Variants in RPTOR observed in about 807,000 individuals in gnomAD.
The protein encoded by RPTOR is regulatory associated protein of MTOR complex 1.
A neutral mutation model predicts 169.9 loss-of-function variants in RPTOR; 21 were observed. That is an observed-to-expected ratio of 0.12 (90% CI 0.09 to 0.18). RPTOR has a LOEUF of 0.18. Ranked by LOEUF, RPTOR falls within the 10% of genes least tolerant of loss-of-function variation. RPTOR has a pLI of 1.00. For missense variants in RPTOR, 1,133 were observed against 1,855.9 expected, an observed-to-expected ratio of 0.61 and a Z score of 7.16; for synonymous variants, 732 against 753.2, an observed-to-expected ratio of 0.97 and a Z score of 0.46.
At chr17:80,546,209 T>C (rs2084272558) in intron 1 of RPTOR, among the ~76,000 whole-genome samples, 1 of 152,238 alleles carries the variant, frequency 6.6e-6, no homozygotes, top group African/African-American at 2.4e-5. Context: ...AAGTCTGATA[T>C]ACTATGCTAG....
intron 24 of RPTOR, among the ~76,000 whole-genome samples, chr17:80,935,872 C>A (rs1198559046): frequency 2.0e-5 from 3 of 152,096 alleles, no homozygotes; most frequent in Non-Finnish European, 2.9e-5. Context: ...ATAAGTTGGG[C>A]TTCATCAAAA....
chr17:80,581,347 C>G (rs923848292), intron 1 of RPTOR, among the ~76,000 whole-genome samples: 5 of 152,212 alleles, frequency 3.3e-5, no homozygotes, highest in African/African-American at 9.7e-5. Context: ...TGCAGGTAAA[C>G]ATTTAGCCAT....
intron 6 of RPTOR, among the ~76,000 whole-genome samples, chr17:80,767,963 A>T (rs2066804274): frequency 6.6e-6 from 1 of 152,084 alleles, no homozygotes; most frequent in African/African-American, 2.4e-5. Context: ...TCCCTGTTTC[A>T]AGTGATTCTC....
rs2065766895 is a variant in RPTOR at position 80,665,479 on chromosome 17, TTTCCTTTCCTTTCCTTTCCTTTCCA to T, written c.348+21671_348+21695del. ...TTTCCTTTCCTTTCCTTTCCTTTCC[TTTCCTTTCCTTTCCTTTCCTTTCCA>T]TGTCCTTTCCTTTCCTTTCCATGTC... On this transcript the variant is annotated intron_variant, in intron 3 of 33. Transcript: ENST00000306801. Among the ~76,000 whole-genome samples the T allele has an allele frequency of 1.9e-4, 8 of 41,968 alleles. 2 individuals carry two copies. The highest frequency in any genetic ancestry group is 7.6e-3 in the Middle Eastern group (1 of 132). The allele number at this position is 41,968 out of a possible 152,430, so 27.5% of individuals were successfully genotyped here. A position where few individuals can be genotyped will look rare whatever the true frequency, so the allele number is the denominator to read the frequency against.
rs570406812 is a variant in RPTOR at position 80,705,321 on chromosome 17, C to CT, written c.349-2519dup. Among the ~76,000 whole-genome samples, 5 of 152,364 alleles carry CT rather than the reference C, an allele frequency of 3.3e-5. No individual in the cohort carries two copies. The South Asian group carries it at 1.0e-3, about 32-fold the overall frequency. ...TGAGAGGGGAGACCACTCTGTGGCT[C>CT]TAACCCCGCCTCAGACCAGGGCTCC... On this transcript the variant is annotated intron_variant, in intron 3 of 33. Transcript: ENST00000306801.
In RPTOR at chr17:80,721,064, G is replaced by T. The variant is rs1270887123; in HGVS notation, c.508-9496G>T. 3.3e-5 allele frequency among the ~76,000 whole-genome samples: 5 copies of T among 151,110 alleles called. No individual in the cohort carries two copies. Among genetic ancestry groups the T allele is most frequent in the Admixed American group, 2.6e-4 (4 of 15,244 alleles). On this transcript the variant is annotated intron_variant, in intron 4 of 33. Transcript: ENST00000306801. This position sits in a 1 kb window ranked among gnomAD's most constrained non-coding sequence, Gnocchi z 4.7. ...GGTAAACACCAAGGCCTCGTGGGAGGCACCTAGGAGGTGAGGAGGGGCTAC... is the reference window on the plus strand; with the variant it reads ...GGTAAACACCAAGGCCTCGTGGGAGTCACCTAGGAGGTGAGGAGGGGCTAC...
chr17:80,888,566 G>A (rs1942551276), intron 17 of RPTOR, among the ~76,000 whole-genome samples: 1 of 152,240 alleles, frequency 6.6e-6, no homozygotes, highest in African/African-American at 2.4e-5. Context: ...CCCATGGTCA[G>A]TGCAGCCGTG....
chr17:80,680,763 G>C (rs1356264173), intron 3 of RPTOR, among the ~76,000 whole-genome samples: 1 of 152,058 alleles, frequency 6.6e-6, no homozygotes, highest in African/African-American at 2.4e-5. Context: ...AGGGGATTTA[G>C]TTAGTGACAG....
At chr17:80,921,846 C>T (rs960946674) in intron 21 of RPTOR, among the ~76,000 whole-genome samples, 2 of 152,142 alleles carry the variant, frequency 1.3e-5, no homozygotes, top group African/African-American at 4.8e-5. Context: ...TGCGCCCCTC[C>T]CCAGGGCAGG....
chr17:80,787,323 A>G (rs139421358), intron 6 of RPTOR, among the ~76,000 whole-genome samples: 216 of 152,330 alleles, frequency 1.4e-3, no homozygotes, highest in African/African-American at 5.0e-3. Context: ...GTGTTTAGCT[A>G]GAGTACCCCC....
chr17:80,648,702 C>T (rs1315191279), intron 3 of RPTOR, among the ~76,000 whole-genome samples: 1 of 152,116 alleles, frequency 6.6e-6, no homozygotes, highest in Non-Finnish European at 1.5e-5. Flanking sequence ...TTGTGCCCCC[C>T]ACCCCCAAAT....
chr17:80,746,312 C>T lies in RPTOR; in HGVS notation c.655-7698C>T, dbSNP rs1311465762. On this transcript the variant is annotated intron_variant, in intron 5 of 33. Coordinates refer to ENST00000306801, the MANE Select transcript of RPTOR (RefSeq NM_020761.3). The surrounding 1 kb of genome is among the most constrained non-coding windows in gnomAD (Gnocchi z 4.5). ...GGTGCTTTCTGCGGGTGATCCCCAC[C>T]GCCCCCACAGCGGTGCTTTCTGCGG... 2.0e-5 allele frequency among the ~76,000 whole-genome samples: 3 copies of T among 147,798 alleles called. No homozygotes were observed. The highest frequency in any genetic ancestry group is 2.2e-4 in the South Asian group (1 of 4,544).
At chr17:80,619,161 T>C (rs945874986) in intron 1 of RPTOR, among the ~76,000 whole-genome samples, 1 of 152,106 alleles carries the variant, frequency 6.6e-6, no homozygotes, top group African/African-American at 2.4e-5. Flanking sequence ...GGATAGTGAA[T>C]GTTGTGACCT....
intron 5 of RPTOR, among the ~76,000 whole-genome samples, chr17:80,742,263 G>A (rs2066488846): frequency 6.6e-6 from 1 of 152,110 alleles, no homozygotes; most frequent in East Asian, 1.9e-4. Context: ...GGGAGAGAGA[G>A]CTCCTGAGGG....
intron 21 of RPTOR, among the ~76,000 whole-genome samples, chr17:80,912,817 C>T (rs983693234): frequency 3.2e-4 from 48 of 152,178 alleles, no homozygotes; most frequent in African/African-American, 1.1e-3. Flanking sequence ...ACCCAGAAAC[C>T]GCCATAAAAG....
At chr17:80,793,732 C>T (rs2067073286) in intron 7 of RPTOR, among the ~76,000 whole-genome samples, 1 of 152,256 alleles carries the variant, frequency 6.6e-6, no homozygotes, top group Non-Finnish European at 1.5e-5. Flanking sequence ...TGAGCTCAGA[C>T]AGCGCCACAA....
At chr17:80,545,888 C>T (rs2084268438) in intron 1 of RPTOR, 97 bp downstream of exon 1, 1 of 1,060,482 alleles carries the variant, frequency 9.4e-7, no homozygotes, top group Non-Finnish European at 1.3e-6. Context: ...GCCGACATTT[C>T]CCCCTAGCCA....
At chr17:80,777,538 G>A (rs1254739815) in intron 6 of RPTOR, among the ~76,000 whole-genome samples, 1 of 144,528 alleles carries the variant, frequency 6.9e-6, no homozygotes, top group Non-Finnish European at 1.5e-5. Flanking sequence ...GGGCTTATTG[G>A]CCTTTGTTGT....
chr17:80,799,684 C>G (rs1184266692), intron 7 of RPTOR, among the ~76,000 whole-genome samples: 2 of 152,110 alleles, frequency 1.3e-5, no homozygotes. Context: ...GGAAGTAAAA[C>G]CAGGTCTGCC....
Sources: gnomAD v4.1 joint callset for allele counts (sites outside exome capture counted in the v4.1 genomes callset) on GRCh38, gnomAD v4.1.1 for gene constraint, Gnocchi (gnomAD v3.1) non-coding constraint, MANE v1.5 for transcripts, NCBI Gene and HGNC (gene_info 2026-07-23, HGNC 2026-07-21) for gene names.